The following GALNT9 variants were observed in gnomAD, a reference collection of about 807,000 sequenced individuals.
The protein encoded by GALNT9 is GalNAc transferase 9.
GALNT9 carries 47 observed loss-of-function variants against 63.1 expected under a neutral mutation model. That is an observed-to-expected ratio of 0.75 (90% CI 0.59 to 0.95). The LOEUF (loss-of-function observed/expected upper bound fraction) is 0.95. Ranked by LOEUF, GALNT9 falls within the 40% of genes least tolerant of loss-of-function variation. The pLI is 0.00. For synonymous variants in GALNT9, 396 were observed against 365.7 expected (o/e 1.08, Z -0.94); for missense variants, 829 against 874.8 (o/e 0.95, Z 0.66).
chr12:132,215,132 C>T (rs1052453173), intron 6 of GALNT9, among the ~76,000 whole-genome samples: 12 of 152,176 alleles, frequency 7.9e-5, no homozygotes, highest in Admixed American at 2.0e-4. Context: ...TTCCAGACGC[C>T]GGGTCTCCGC....
chr12:132,252,576 G>A lies in GALNT9; in HGVS notation c.960-4549C>T, dbSNP rs112211647. Among the ~76,000 whole-genome samples the A allele has an allele frequency of 0.017, 2,615 of 152,262 alleles. 77 individuals carry two copies. Among genetic ancestry groups the A allele is most frequent in the African/African-American group, 0.059 (2,439 of 41,548 alleles). On this transcript the variant is annotated intron_variant, in intron 5 of 10. Coordinates refer to ENST00000328957, the MANE Select transcript of GALNT9 (RefSeq NM_001122636.2). This position sits in a 1 kb window ranked among gnomAD's most constrained non-coding sequence, Gnocchi z 5.2. Reference sequence around the variant, plus strand: ...ACAGCTGGGCCTGGGGGGAACCACTGCCATCAAGACACGGAGACCTGGCTG... The same window carrying A: ...ACAGCTGGGCCTGGGGGGAACCACTACCATCAAGACACGGAGACCTGGCTG...
chr12:132,254,471 G>A (rs1879040701), intron 5 of GALNT9, among the ~76,000 whole-genome samples: 1 of 152,200 alleles, frequency 6.6e-6, no homozygotes, highest in African/African-American at 2.4e-5. Flanking sequence ...CCAGCATGAG[G>A]GGAGTGATTC....
chr12:132,239,325 G>GAC (rs144984523), intron 6 of GALNT9, among the ~76,000 whole-genome samples: 52,097 of 104,638 alleles, frequency 0.5, 10,560 homozygotes, highest in African/African-American at 0.61. Flanking sequence ...GAGACTGAGA[G>GAC]AGAGAGACAG....
chr12:132,303,623 G>A (rs1158419334), intron 1 of GALNT9, among the ~76,000 whole-genome samples: 10 of 71,890 alleles, frequency 1.4e-4, no homozygotes, highest in Admixed American at 1.4e-4. Flanking sequence ...ACCCTCACCC[G>A]GGCACAGAAT....
At chr12:132,223,237 A>C (rs1241321184) in intron 6 of GALNT9, among the ~76,000 whole-genome samples, 1 of 54,166 alleles carries the variant, frequency 1.8e-5, no homozygotes, top group African/African-American at 7.6e-5. Context: ...ACCCCACACA[A>C]CCCACACCCC....
chr12:132,298,873 A>G (rs542325043), intron 1 of GALNT9, among the ~76,000 whole-genome samples: 2 of 146,966 alleles, frequency 1.4e-5, no homozygotes, highest in East Asian at 4.3e-4. Context: ...GAGATGACCA[A>G]GCCACTCCTG....
intron 1 of GALNT9, among the ~76,000 whole-genome samples, 193 bp downstream of exon 1, chr12:132,328,773 G>A (rs1443998182): frequency 1.3e-5 from 2 of 152,240 alleles, no homozygotes; most frequent in African/African-American, 4.8e-5. Flanking sequence ...TGGGTGCCCG[G>A]TGCGGGGGGA....
intron 1 of GALNT9, among the ~76,000 whole-genome samples, chr12:132,302,007 T>A (rs1881314481): frequency 6.6e-6 from 1 of 152,104 alleles, no homozygotes; most frequent in African/African-American, 2.4e-5. Flanking sequence ...GGCTCACGTG[T>A]TTATCACTTA....
rs763335985 is a variant in GALNT9, at chr12:132,197,155, C to G, written c.1764G>C (p.Ser588=). ...FGLRLVVQRC[S]GQKWMIRNWI... Reference sequence around the variant, plus strand: ...AGTTTCTGATCATCCACTTCTGCCCCGAGCACCTCTGTACCACCAGCCGGA... The same window carrying G: ...AGTTTCTGATCATCCACTTCTGCCCGGAGCACCTCTGTACCACCAGCCGGA... The change falls in exon 11 of 11, where the codon TCG becomes TCC. Residue 588 remains serine (S), a synonymous_variant. Coordinates refer to ENST00000328957, the MANE Select transcript of GALNT9 (RefSeq NM_001122636.2). 1.2e-6 allele frequency: 2 copies of G among 1,614,150 alleles called. No homozygotes were observed. The highest frequency in any genetic ancestry group is 2.2e-5 in the South Asian group (2 of 91,086).
At chr12:132,264,507 C>T (rs1879525777) in intron 2 of GALNT9, among the ~76,000 whole-genome samples, 1 of 152,248 alleles carries the variant, frequency 6.6e-6, no homozygotes, top group Non-Finnish European at 1.5e-5. Flanking sequence ...TCTCTTGGCT[C>T]CAGCCTTCTG....
chr12:132,313,756 AC>A (rs1312265354), intron 1 of GALNT9, among the ~76,000 whole-genome samples: 1 of 128,372 alleles, frequency 7.8e-6, no homozygotes, highest in Non-Finnish European at 1.6e-5. Flanking sequence ...TCATCCATCC[AC>A]CCATCCACCC....
intron 6 of GALNT9, among the ~76,000 whole-genome samples, chr12:132,217,846 T>C (rs977414932): frequency 8.9e-5 from 13 of 145,462 alleles, no homozygotes; most frequent in African/African-American, 3.1e-4. Context: ...ATCCATTCCT[T>C]TATCCATCCA....
At chr12:132,323,118 C>T (rs1231904288) in intron 1 of GALNT9, among the ~76,000 whole-genome samples, 1 of 152,238 alleles carries the variant, frequency 6.6e-6, no homozygotes, top group Non-Finnish European at 1.5e-5. Flanking sequence ...CCATCCTGCC[C>T]GTTTGTCCTC....
intron 4 of GALNT9, among the ~76,000 whole-genome samples, chr12:132,260,535 G>A (rs969399790): frequency 7.9e-5 from 12 of 152,206 alleles, no homozygotes; most frequent in Admixed American, 3.9e-4. Context: ...CTGAGAGGCC[G>A]GACTTCTGCA....
At chr12:132,291,459 A>ATCCACAGCACCCACG (rs1381295363) in intron 1 of GALNT9, among the ~76,000 whole-genome samples, 1 of 108,540 alleles carries the variant, frequency 9.2e-6, no homozygotes, top group Non-Finnish European at 1.9e-5. Context: ...CATCACCCAC[A>ATCCACAGCACCCACG]TCCACAGCAC....
intron 1 of GALNT9, among the ~76,000 whole-genome samples, chr12:132,304,464 C>A (rs1555244315): frequency 2.7e-4 from 15 of 55,004 alleles, no homozygotes; most frequent in Non-Finnish European, 3.4e-4. Flanking sequence ...CGGGCACAGC[C>A]TCGCCCGGGC....
At chr12:132,293,871 G>A (rs1489543431) in intron 1 of GALNT9, among the ~76,000 whole-genome samples, 2 of 151,890 alleles carry the variant, frequency 1.3e-5, no homozygotes, top group Non-Finnish European at 2.9e-5. Context: ...ACGAGAAGCC[G>A]GGGGATCCCG....
At chr12:132,203,979 A>C (rs1876439736) in intron 6 of GALNT9, among the ~76,000 whole-genome samples, 1 of 151,924 alleles carries the variant, frequency 6.6e-6, no homozygotes, top group East Asian at 1.9e-4. Context: ...CCCAACACTT[A>C]ACAGGTTTTT....
intron 10 of GALNT9, 109 bp downstream of exon 10, chr12:132,197,683 C>T (rs112868258): frequency 0.013 from 11,160 of 832,520 alleles, 554 homozygotes; most frequent in African/African-American, 0.13. Flanking sequence ...CACCCCCTGC[C>T]GCACTCCAGC....
Sources: gnomAD v4.1 joint callset for allele counts (sites outside exome capture counted in the v4.1 genomes callset) on GRCh38, gnomAD v4.1.1 for gene constraint, Gnocchi (gnomAD v3.1) non-coding constraint, MANE v1.5 for transcripts, NCBI Gene and HGNC (gene_info 2026-07-23, HGNC 2026-07-21) for gene names.